NEK3: variants seen among roughly 807,000 people sequenced by gnomAD.
The protein encoded by NEK3 is serine/threonine-protein kinase Nek3.
A neutral mutation model predicts 66.0 loss-of-function variants in NEK3; 54 were observed. The observed-to-expected ratio is 0.82, with a 90% CI of 0.66 to 1.03. The LOEUF (loss-of-function observed/expected upper bound fraction) is 1.03, where lower values mean the gene tolerates loss of function less well. NEK3 is among the 50% of genes least tolerant of loss of function. The pLI, the probability that NEK3 is intolerant of heterozygous loss-of-function variation, is 0.00. For synonymous variants in NEK3, 200 were observed against 206.2 expected (o/e 0.97, Z 0.26); for missense variants, 593 against 603.0 (o/e 0.98, Z 0.17).
Position 52,136,263 on chromosome 13 carries a change from AT to A in NEK3, c.1031-5del, listed in dbSNP as rs1156436247. On this transcript the variant is annotated splice_polypyrimidine_tract_variant and splice_region_variant and intron_variant, in intron 12 of 15. Coordinates refer to ENST00000610828, the MANE Select transcript of NEK3 (RefSeq NM_002498.3). ...CTCAGATGGACTGACTTATTACCTG[AT>A]TTTAAAGTGTGAAAAAGGAATGCCA... 1.9e-6 allele frequency: 3 copies of A among 1,613,304 alleles called. No homozygotes were observed. Among genetic ancestry groups the A allele is most frequent in the Non-Finnish European group, 2.5e-6 (3 of 1,179,562 alleles).
chr13:52,144,239 C>A (rs1176890154), intron 9 of NEK3, among the ~76,000 whole-genome samples: 2 of 152,090 alleles, frequency 1.3e-5, no homozygotes, highest in Non-Finnish European at 2.9e-5. Flanking sequence ...CATGGTGAAA[C>A]CCCGTCTCTA....
At chr13:52,135,926 A>G in intron 13 of NEK3, 63 bp from the exon 14 acceptor site, 1 of 1,553,586 alleles carries the variant, frequency 6.4e-7, no homozygotes, top group Non-Finnish European at 8.7e-7. Flanking sequence ...TGTACTTTCC[A>G]GATCATATTT....
intron 11 of NEK3, among the ~76,000 whole-genome samples, chr13:52,140,511 G>A (rs187344483): frequency 2.7e-3 from 412 of 152,108 alleles, no homozygotes; most frequent in South Asian, 5.2e-3. Flanking sequence ...AGGAGACTGA[G>A]GCAGAAGAAT....
At chr13:52,136,699 T>C in intron 12 of NEK3, 101 bp downstream of exon 12, 2 of 625,294 alleles carry the variant, frequency 3.2e-6, no homozygotes, top group Admixed American at 6.8e-5. Context: ...CAAACAAATA[T>C]CAGCTTGTAC....
chr13:52,150,810 G>A (rs568306329), intron 7 of NEK3, among the ~76,000 whole-genome samples: 3 of 152,188 alleles, frequency 2.0e-5, no homozygotes, highest in African/African-American at 4.8e-5. Flanking sequence ...TAGTGTAGAC[G>A]CAACCTGGGA....
chr13:52,141,093 A>G, intron 10 of NEK3, 24 bp from the exon 11 acceptor site: 3 of 1,581,980 alleles, frequency 1.9e-6, no homozygotes, highest in Non-Finnish European at 2.6e-6. Flanking sequence ...GAGAGAAGGT[A>G]GAAAGATAAA....
At chr13:52,152,893 T>C (rs1007419083) in intron 4 of NEK3, among the ~76,000 whole-genome samples, 10 of 152,198 alleles carry the variant, frequency 6.6e-5, no homozygotes, top group African/African-American at 2.4e-4. Context: ...CCATATTCCA[T>C]CATCTTATGC....
intron 14 of NEK3, among the ~76,000 whole-genome samples, chr13:52,134,967 C>T (rs998779430): frequency 1.3e-5 from 2 of 152,074 alleles, no homozygotes; most frequent in Non-Finnish European, 2.9e-5. Flanking sequence ...TAAATACTGA[C>T]CAAATAAATA....
chr13:52,153,844 A>T, intron 4 of NEK3, 51 bp downstream of exon 4: 2 of 1,194,884 alleles, frequency 1.7e-6, no homozygotes, highest in Non-Finnish European at 2.5e-6. Flanking sequence ...AAAGTTTATG[A>T]GAAAAGTGGC....
intron 11 of NEK3, among the ~76,000 whole-genome samples, chr13:52,138,454 C>T (rs980907698): frequency 6.6e-6 from 1 of 151,912 alleles, no homozygotes; most frequent in African/African-American, 2.4e-5. Flanking sequence ...CTGGAAAAAA[C>T]AGACATTACA....
At chr13:52,154,595 C>A (rs78255603) in intron 2 of NEK3, among the ~76,000 whole-genome samples, 2,664 of 151,654 alleles carry the variant, frequency 0.018, 65 homozygotes, top group African/African-American at 0.061. Context: ...TGACTGTCTG[C>A]ATCACTTAGA....
chr13:52,152,617 T>C lies in NEK3; in HGVS notation c.385A>G (p.Lys129Glu). The C allele has an allele frequency of 6.2e-7, 1 of 1,601,676 alleles. No individual in the cohort carries two copies. The highest frequency in any genetic ancestry group is 8.5e-7 in the Non-Finnish European group (1 of 1,174,172). The change falls in exon 5 of 16, where the codon AAG (lysine) becomes GAG (glutamate). Residue 129 changes from lysine to glutamate, a missense_variant. Physicochemically the swap from Lys to Glu is moderately conservative, Grantham distance 56 (BLOSUM62 1). Coordinates refer to ENST00000610828, the MANE Select transcript of NEK3 (RefSeq NM_002498.3). Reference protein sequence around the residue: ...HKKRVLHRDIKSKNIFLTQNG... With the variant: ...HKKRVLHRDIESKNIFLTQNG... ...AAATGTACTCCACTCACCTTGGACT[T>C]GATATCTCTGTGTAGCACACGTTTC...
chr13:52,136,791 A>G lies in NEK3; in HGVS notation c.1030+9T>C. The G allele has an allele frequency of 1.3e-6, 2 of 1,528,382 alleles. No individual in the cohort carries two copies. Among genetic ancestry groups the G allele is most frequent in the Middle Eastern group, 1.7e-4 (1 of 5,890 alleles). The allele number at this position is 1,528,382 out of a possible 1,614,324, so 94.7% of individuals were successfully genotyped here. On this transcript the variant is annotated intron_variant, in intron 12 of 15. Transcript: ENST00000610828. ...CACCTAAGAAATGATTAGAATTTGA[A>G]TAACTTACCTTTTTCTTCTCTGTTT...
At chr13:52,147,419 A>G (rs1401470488) in intron 8 of NEK3, among the ~76,000 whole-genome samples, 1 of 152,232 alleles carries the variant, frequency 6.6e-6, no homozygotes, top group African/African-American at 2.4e-5. Context: ...TATACACACA[A>G]TGGAATACTA....
chr13:52,149,512 A>G (rs1387903552), intron 7 of NEK3, among the ~76,000 whole-genome samples: 1 of 152,086 alleles, frequency 6.6e-6, no homozygotes, highest in Non-Finnish European at 1.5e-5. Flanking sequence ...AGGTCCCCCA[A>G]TCATTCTCAT....
At chr13:52,140,028 C>A (rs1956234713) in intron 11 of NEK3, among the ~76,000 whole-genome samples, 1 of 144,982 alleles carries the variant, frequency 6.9e-6, no homozygotes, top group South Asian at 2.2e-4. Context: ...ATAGCAAAAT[C>A]CCATCTCTTT....
intron 10 of NEK3, 136 bp downstream of exon 10, chr13:52,143,779 T>C (rs1008519501): frequency 1.3e-5 from 8 of 593,562 alleles, no homozygotes; most frequent in Admixed American, 6.6e-5. Context: ...ACATCTAAAG[T>C]AACAAAAAGA....
chr13:52,152,908 T>C (rs1018661432), intron 4 of NEK3, among the ~76,000 whole-genome samples: 2 of 152,200 alleles, frequency 1.3e-5, no homozygotes, highest in Non-Finnish European at 2.9e-5. Context: ...TTATGCATGA[T>C]CCAAATAGCA....
intron 5 of NEK3, 33 bp from the exon 6 acceptor site, chr13:52,151,425 T>C (rs775770929): frequency 1.3e-6 from 2 of 1,535,722 alleles, no homozygotes; most frequent in South Asian, 2.4e-5. Flanking sequence ...AGATTATGTC[T>C]TCTATCATCA....
Sources: gnomAD v4.1 joint callset for allele counts (sites outside exome capture counted in the v4.1 genomes callset) on GRCh38, gnomAD v4.1.1 for gene constraint, MANE v1.5 for transcripts, NCBI Gene and HGNC (gene_info 2026-07-23, HGNC 2026-07-21) for gene names.